The following RBFOX1 variants were observed in gnomAD, a reference collection of about 807,000 sequenced individuals.
The protein encoded by RBFOX1 is RNA binding protein fox-1 homolog 1.
A neutral mutation model predicts 57.7 loss-of-function variants in RBFOX1; 8 were observed. That is an observed-to-expected ratio of 0.14 (90% CI 0.08 to 0.25). RBFOX1 has a LOEUF of 0.25. RBFOX1 is among the 10% of genes least tolerant of loss of function. RBFOX1 has a pLI of 1.00. For synonymous variants in RBFOX1, 326 were observed against 222.4 expected (o/e 1.47, Z -4.15); for missense variants, 611 against 548.5 (o/e 1.11, Z -1.14).
At chr16:7,543,697 GTGTGTGTGTGTGTGTGTGTGTGTT>G (rs1436752828) in intron 5 of RBFOX1, among the ~76,000 whole-genome samples, 10 of 132,172 alleles carry the variant, frequency 7.6e-5, no homozygotes, top group African/African-American at 3.2e-4. Flanking sequence ...GTGTGTGTGT[GTGTGTGTGTGTGTGTGTGTGTGTT>G]TATTTTTTAT....
chr16:6,030,747 C>T (rs1194100127), intron 1 of RBFOX1, among the ~76,000 whole-genome samples: 1 of 152,192 alleles, frequency 6.6e-6, no homozygotes, highest in African/African-American at 2.4e-5. Context: ...TGAGTCCCAA[C>T]AGTGCAAATG....
chr16:5,892,629 G>C (rs900644572), intron 4 of RBFOX1, among the ~76,000 whole-genome samples: 2 of 152,188 alleles, frequency 1.3e-5, no homozygotes, highest in African/African-American at 4.8e-5. Context: ...ATGCATCGCG[G>C]AATCTTGTAG....
chr16:7,247,351 A>C (rs1409971850), intron 4 of RBFOX1, among the ~76,000 whole-genome samples: 1 of 152,188 alleles, frequency 6.6e-6, no homozygotes, highest in Non-Finnish European at 1.5e-5. Flanking sequence ...ACTCACAGCC[A>C]ACGGGTAGGA....
At chr16:7,452,719 ATTC>A (rs2150255782) in intron 4 of RBFOX1, among the ~76,000 whole-genome samples, 1 of 152,320 alleles carries the variant, frequency 6.6e-6, no homozygotes, top group African/African-American at 2.4e-5. Flanking sequence ...ATGATTCCCT[ATTC>A]TTAGGATAAA....
chr16:6,562,250 G>A (rs1567690924), intron 2 of RBFOX1, among the ~76,000 whole-genome samples: 2 of 152,280 alleles, frequency 1.3e-5, no homozygotes, highest in East Asian at 3.9e-4. Context: ...TTTAAGACCT[G>A]ATTACCTTAT....
chr16:6,877,890 A>T (rs1175927456), intron 3 of RBFOX1, among the ~76,000 whole-genome samples: 1 of 152,184 alleles, frequency 6.6e-6, no homozygotes, highest in Admixed American at 6.6e-5. Context: ...TTGCTTCCAG[A>T]CTAAGAACTT....
chr16:5,842,035 G>C (rs2056638052), intron 3 of RBFOX1, among the ~76,000 whole-genome samples: 1 of 152,190 alleles, frequency 6.6e-6, no homozygotes, highest in African/African-American at 2.4e-5. Context: ...TGGCATTCAG[G>C]CTTCTTCTGC....
chr16:6,593,320 G>C (rs1271781590), intron 2 of RBFOX1, among the ~76,000 whole-genome samples: 1 of 152,174 alleles, frequency 6.6e-6, no homozygotes, highest in Non-Finnish European at 1.5e-5. Flanking sequence ...ACCAGGTGGT[G>C]TTATAATCAG....
intron 3 of RBFOX1, among the ~76,000 whole-genome samples, chr16:6,686,701 A>C (rs1281413944): frequency 6.6e-6 from 1 of 152,152 alleles, no homozygotes. Context: ...AAGGGAACGC[A>C]ATTGTGAGAC....
intron 2 of RBFOX1, among the ~76,000 whole-genome samples, chr16:6,321,873 A>G (rs1487584798): frequency 1.3e-5 from 2 of 152,222 alleles, no homozygotes; most frequent in Non-Finnish European, 2.9e-5. Context: ...GGTTTAGAAT[A>G]ATAGACTCCA....
chr16:5,896,006 A>C (rs1335319808), intron 4 of RBFOX1, among the ~76,000 whole-genome samples: 1 of 152,136 alleles, frequency 6.6e-6, no homozygotes, highest in Non-Finnish European at 1.5e-5. Context: ...CTTGGTGTAA[A>C]ATGTTCTGTC....
At chr16:6,620,857 C>T (rs12444339) in intron 2 of RBFOX1, among the ~76,000 whole-genome samples, 5,888 of 152,296 alleles carry the variant, frequency 0.039, 156 homozygotes, top group Non-Finnish European at 0.046. Context: ...CAAAGCTCCA[C>T]ACTTAAAATC....
chr16:6,213,289 T>A (rs2097310502), intron 1 of RBFOX1, among the ~76,000 whole-genome samples: 1 of 152,232 alleles, frequency 6.6e-6, no homozygotes, highest in Non-Finnish European at 1.5e-5. Context: ...TAGGCTGTCA[T>A]GCTTCATTGA....
chr16:6,694,713 C>T (rs2060755794), intron 3 of RBFOX1, among the ~76,000 whole-genome samples: 1 of 152,156 alleles, frequency 6.6e-6, no homozygotes, highest in Non-Finnish European at 1.5e-5. Context: ...ATCATATCCT[C>T]CCAGCAACTC....
chr16:5,650,214 C>T (rs1402875148), intron 3 of RBFOX1, among the ~76,000 whole-genome samples: 1 of 152,194 alleles, frequency 6.6e-6, no homozygotes, highest in Non-Finnish European at 1.5e-5. Flanking sequence ...CCTGAGCAAA[C>T]AGAGGCAGCT....
At chr16:5,898,192 T>C (rs2058213767) in intron 4 of RBFOX1, among the ~76,000 whole-genome samples, 1 of 152,152 alleles carries the variant, frequency 6.6e-6, no homozygotes, top group African/African-American at 2.4e-5. Context: ...GAGAACTCAC[T>C]CACTCTCATG....
At chr16:5,428,274 G>T (rs1377351372) in intron 1 of RBFOX1, among the ~76,000 whole-genome samples, 1 of 152,158 alleles carries the variant, frequency 6.6e-6, no homozygotes, top group African/African-American at 2.4e-5. Flanking sequence ...GCTATTGCTT[G>T]CTATAAAATG....
At chr16:6,980,533 TC>T (rs998126467) in intron 3 of RBFOX1, among the ~76,000 whole-genome samples, 21 of 152,194 alleles carry the variant, frequency 1.4e-4, no homozygotes, top group African/African-American at 4.6e-4. Context: ...AAAAGTGTTT[TC>T]CAAGCTAACA....
intron 2 of RBFOX1, among the ~76,000 whole-genome samples, chr16:6,634,336 T>C (rs1028009386): frequency 1.1e-4 from 17 of 152,206 alleles, no homozygotes; most frequent in African/African-American, 4.1e-4. Flanking sequence ...ATAAGGTTCA[T>C]GTCCCAGATC....
Sources: gnomAD v4.1 joint callset for allele counts (sites outside exome capture counted in the v4.1 genomes callset) on GRCh38, gnomAD v4.1.1 for gene constraint, MANE v1.5 for transcripts, NCBI Gene and HGNC (gene_info 2026-07-23, HGNC 2026-07-21) for gene names.